Variants in RHOA observed in about 807,000 individuals in gnomAD.
RHOA encodes the protein ras homolog family member A.
A neutral mutation model predicts 17.5 loss-of-function variants in RHOA; 3 were observed. The ratio of observed to expected loss-of-function variants is 0.17; its 90% confidence interval spans 0.08 to 0.44. RHOA has a LOEUF of 0.44. Among genes scored for constraint, RHOA ranks in the 20% least tolerant of loss-of-function variants. The pLI, the probability that RHOA is intolerant of heterozygous loss-of-function variation, is 0.99. For synonymous variants in RHOA, 98 were observed against 88.4 expected, an observed-to-expected ratio of 1.11 and a Z score of -0.61; for missense variants, 56 against 242.3, an observed-to-expected ratio of 0.23 and a Z score of 5.10.
chr3:49,401,144 TCCTC>T (rs1244223272), intron 1 of RHOA, among the ~76,000 whole-genome samples: 1 of 151,732 alleles, frequency 6.6e-6, no homozygotes, highest in African/African-American at 2.4e-5. Flanking sequence ...CAAATTTACT[TCCTC>T]TAAGTTACTA....
chr3:49,368,642 G>T, intron 2 of RHOA, 94 bp from the exon 3 acceptor site: 2 of 1,384,568 alleles, frequency 1.4e-6, no homozygotes, highest in Non-Finnish European at 2.0e-6. Context: ...TGAAATGGCA[G>T]ACCATTGAAA....
intron 3 of RHOA, 89 bp from the exon 4 acceptor site, chr3:49,362,715 T>A: frequency 2.7e-6 from 3 of 1,093,604 alleles, no homozygotes; most frequent in Non-Finnish European, 4.0e-6. Context: ...AGAGACACTT[T>A]CTTTGTGGCT....
At chr3:49,361,004 C>T (rs1441646291) in intron 4 of RHOA, 6 of 248,452 alleles carry the variant, frequency 2.4e-5, no homozygotes, top group Admixed American at 9.7e-5. Context: ...ATCTGGGAGG[C>T]GGAGGTTGCA....
At chr3:49,375,675 G>A (rs1350933477) in intron 1 of RHOA, 84 bp from the exon 2 acceptor site, 9 of 1,442,412 alleles carry the variant, frequency 6.2e-6, no homozygotes, top group Admixed American at 5.8e-5. Flanking sequence ...TGGTAACCAT[G>A]GGGCATAAAC....
chr3:49,386,264 CCCTT>C (rs2048393224), intron 1 of RHOA, among the ~76,000 whole-genome samples: 1 of 152,146 alleles, frequency 6.6e-6, no homozygotes, highest in African/African-American at 2.4e-5. Flanking sequence ...CCTCTTTCCT[CCCTT>C]CCGTTTTCTC....
intron 1 of RHOA, among the ~76,000 whole-genome samples, chr3:49,392,808 G>C (rs137886524): frequency 2.8e-4 from 43 of 152,266 alleles, no homozygotes; most frequent in Middle Eastern, 3.4e-3. Context: ...TCCCACAGCT[G>C]CTGGATTGGT....
chr3:49,373,742 T>C (rs993617458), intron 2 of RHOA, among the ~76,000 whole-genome samples: 2 of 151,730 alleles, frequency 1.3e-5, no homozygotes, highest in Non-Finnish European at 2.9e-5. Flanking sequence ...AGTTCAAGGC[T>C]GCATGATCAT....
At chr3:49,383,064 AAAAAAAGAAAAAG>A (rs1382163193) in intron 1 of RHOA, among the ~76,000 whole-genome samples, 2 of 150,142 alleles carry the variant, frequency 1.3e-5, no homozygotes, top group Admixed American at 1.3e-4. Flanking sequence ...TATCAGAAAA[AAAAAAAGAAAAAG>A]AAAAAGAAAA....
At chr3:49,389,057 A>T (rs1414928465) in intron 1 of RHOA, among the ~76,000 whole-genome samples, 2 of 152,172 alleles carry the variant, frequency 1.3e-5, no homozygotes, top group Non-Finnish European at 2.9e-5. Context: ...GACAGAAAGC[A>T]GCTGCTGGGC....
chr3:49,383,152 G>A (rs539302219), intron 1 of RHOA, among the ~76,000 whole-genome samples: 9 of 152,062 alleles, frequency 5.9e-5, no homozygotes, highest in Middle Eastern at 3.4e-3. Flanking sequence ...AATCTCTTTC[G>A]GCCAGGTGTG....
chr3:49,371,825 T>TA (rs1207929076), intron 2 of RHOA, among the ~76,000 whole-genome samples: 3 of 152,336 alleles, frequency 2.0e-5, no homozygotes, highest in East Asian at 1.9e-4. Flanking sequence ...TCAAGGTCTC[T>TA]AAATTTCTTA....
intron 1 of RHOA, among the ~76,000 whole-genome samples, chr3:49,409,843 C>CA (rs35100510): frequency 1.3e-5 from 2 of 152,290 alleles, no homozygotes; most frequent in Admixed American, 1.3e-4. Context: ...CGCAGTACCC[C>CA]AAATCAACAG....
intron 1 of RHOA, among the ~76,000 whole-genome samples, chr3:49,385,565 G>A (rs990491002): frequency 4.0e-5 from 6 of 151,726 alleles, no homozygotes; most frequent in African/African-American, 1.5e-4. Flanking sequence ...TTTTGATGAT[G>A]CCCTTTGGGG....
chr3:49,405,390 C>A (rs1222973298), intron 1 of RHOA, among the ~76,000 whole-genome samples: 1 of 151,994 alleles, frequency 6.6e-6, no homozygotes, highest in African/African-American at 2.4e-5. Flanking sequence ...GGGATCACGC[C>A]ATTGCACTCC....
At chr3:49,401,471 G>A (rs1367185507) in intron 1 of RHOA, among the ~76,000 whole-genome samples, 4 of 151,662 alleles carry the variant, frequency 2.6e-5, no homozygotes, top group Admixed American at 1.3e-4. Flanking sequence ...TGGGCAACAT[G>A]GCGAAACCTC....
chr3:49,399,054 C>CAAAAAAAAAAAAAAAAAAAAAAAAAA (rs10530558), intron 1 of RHOA, among the ~76,000 whole-genome samples: 4 of 24,840 alleles, frequency 1.6e-4, no homozygotes, highest in Admixed American at 1.8e-3. Flanking sequence ...GACTCCGTCT[C>CAAAAAAAAAAAAAAAAAAAAAAAAAA]AAAAAAAAAA....
chr3:49,397,140 A>AT (rs2048629595), intron 1 of RHOA, among the ~76,000 whole-genome samples: 1 of 151,788 alleles, frequency 6.6e-6, no homozygotes, highest in Non-Finnish European at 1.5e-5. Context: ...AAAAAAAAAA[A>AT]AAAAAAAAGT....
At chr3:49,404,457 C>CACACACACACACACACAAAA (rs1447646944) in intron 1 of RHOA, among the ~76,000 whole-genome samples, 12 of 146,874 alleles carry the variant, frequency 8.2e-5, no homozygotes, top group African/African-American at 3.0e-4. Context: ...CACACACACA[C>CACACACACACACACACAAAA]AAAATTAGCC....
chr3:49,375,071 G>C (rs1262809586), intron 2 of RHOA, among the ~76,000 whole-genome samples: 1 of 152,044 alleles, frequency 6.6e-6, no homozygotes, highest in Admixed American at 6.6e-5. Context: ...AGAAGTTTGA[G>C]ACCAGCCTGG....
Sources: allele counts gnomAD v4.1 joint callset (sites outside exome capture counted in the v4.1 genomes callset), GRCh38; gene constraint gnomAD v4.1.1; transcripts MANE v1.5; gene names NCBI Gene and HGNC (gene_info 2026-07-23, HGNC 2026-07-21).